The following SGCZ variants were observed in gnomAD, a reference collection of about 807,000 sequenced individuals.
The protein encoded by SGCZ is sarcoglycan zeta.
In SGCZ, 40 loss-of-function variants were observed where a neutral mutation model predicts 41.3. The observed-to-expected ratio is 0.97, with a 90% CI of 0.75 to 1.26. The LOEUF is 1.26. Ranked by LOEUF, SGCZ falls within the 50% of genes most tolerant of loss-of-function variation. The pLI is 0.00. For synonymous variants in SGCZ, 206 were observed against 137.5 expected, an observed-to-expected ratio of 1.50 and a Z score of -3.49; for missense variants, 552 against 369.8, an observed-to-expected ratio of 1.49 and a Z score of -4.04.
At chr8:14,278,936 G>A (rs1426996) in intron 3 of SGCZ, among the ~76,000 whole-genome samples, 32,510 of 151,996 alleles carry the variant, frequency 0.21, 3,680 homozygotes, top group East Asian at 0.3. Context: ...TTTTATAAAT[G>A]CCTACAAGGC....
intron 2 of SGCZ, among the ~76,000 whole-genome samples, chr8:14,440,049 T>C (rs1222808552): frequency 6.6e-6 from 1 of 152,056 alleles, no homozygotes; most frequent in Non-Finnish European, 1.5e-5. Context: ...TTTAGCCTTG[T>C]TGCATTTTGC....
intron 1 of SGCZ, among the ~76,000 whole-genome samples, chr8:14,665,610 T>A (rs1807885799): frequency 6.6e-6 from 1 of 152,218 alleles, no homozygotes. Context: ...AGACATTAGA[T>A]ATTTGCATTA....
intron 2 of SGCZ, among the ~76,000 whole-genome samples, chr8:14,421,749 T>G (rs1799642966): frequency 6.6e-6 from 1 of 152,170 alleles, no homozygotes; most frequent in Non-Finnish European, 1.5e-5. Flanking sequence ...GTCTATCTTG[T>G]GTAATTAATC....
Position 14,408,951 on chromosome 8 carries a change from G to C in SGCZ, c.235-84747C>G, listed in dbSNP as rs1283150793. ...AAGCTAACACATTTTTAAATTAAGA[G>C]AGTGTGTGTGTGTGTGTGTGCATGT... On this transcript the variant is annotated intron_variant, in intron 2 of 7. Coordinates refer to ENST00000382080, the MANE Select transcript of SGCZ (RefSeq NM_139167.4). 5.6e-5 allele frequency among the ~76,000 whole-genome samples: 6 copies of C among 106,294 alleles called. No individual in the cohort carries two copies. The East Asian group carries it at 1.4e-3, about 25-fold the overall frequency. The allele number at this position is 106,294 out of a possible 152,430, so 69.7% of individuals were successfully genotyped here.
chr8:14,833,233 T>G (rs1468398418), intron 1 of SGCZ, among the ~76,000 whole-genome samples: 1 of 152,066 alleles, frequency 6.6e-6, no homozygotes, highest in African/African-American at 2.4e-5. Context: ...TAAACACAAA[T>G]GACACAGAGT....
At chr8:14,425,094 T>C (rs1799741680) in intron 2 of SGCZ, among the ~76,000 whole-genome samples, 1 of 152,184 alleles carries the variant, frequency 6.6e-6, no homozygotes. Flanking sequence ...TTTTTTCTAA[T>C]TGATTTGTAA....
intron 4 of SGCZ, among the ~76,000 whole-genome samples, chr8:14,217,464 G>T (rs1806039868): frequency 1.3e-5 from 2 of 151,700 alleles, no homozygotes; most frequent in South Asian, 4.2e-4. Flanking sequence ...TGTAAGACGT[G>T]GGGTGAAAGG....
At chr8:14,495,827 T>G (rs1034254154) in intron 2 of SGCZ, among the ~76,000 whole-genome samples, 3 of 152,110 alleles carry the variant, frequency 2.0e-5, no homozygotes, top group Non-Finnish European at 4.4e-5. Context: ...GCTATGGGCC[T>G]AAAGTTTCAG....
At chr8:14,946,417 T>C (rs981081921) in intron 1 of SGCZ, among the ~76,000 whole-genome samples, 1 of 152,042 alleles carries the variant, frequency 6.6e-6, no homozygotes, top group Non-Finnish European at 1.5e-5. Context: ...AACTGCCCTG[T>C]AGCCAATAGC....
At chr8:15,137,670 G>A (rs1444712748) in intron 1 of SGCZ, among the ~76,000 whole-genome samples, 1 of 152,078 alleles carries the variant, frequency 6.6e-6, no homozygotes, top group African/African-American at 2.4e-5. Context: ...CACCTTTCAT[G>A]TGGTGTTGAG....
At chr8:15,138,029 AG>A (rs1808179635) in intron 1 of SGCZ, among the ~76,000 whole-genome samples, 1 of 152,186 alleles carries the variant, frequency 6.6e-6, no homozygotes. Flanking sequence ...ACAAAGCCAC[AG>A]GGGCAGAGCT....
intron 1 of SGCZ, among the ~76,000 whole-genome samples, chr8:15,054,708 A>G (rs1804640917): frequency 6.6e-6 from 1 of 152,010 alleles, no homozygotes; most frequent in African/African-American, 2.4e-5. Flanking sequence ...CAATCCCAGC[A>G]CTTTAGGAGG....
rs548338742 is a variant in SGCZ at position 15,010,652 on chromosome 8, C to T, written c.39+226933G>A. ...TTCTTTTAACAGCCTGATGATGGTTCGTGTACTGTCAGTACAGGAAGCCAG... is the reference window on the plus strand; with the variant it reads ...TTCTTTTAACAGCCTGATGATGGTTTGTGTACTGTCAGTACAGGAAGCCAG... On this transcript the variant is annotated intron_variant, in intron 1 of 7. Transcript: ENST00000382080. Among the ~76,000 whole-genome samples the T allele has an allele frequency of 2.0e-5, 3 of 152,218 alleles. No individual in the cohort carries two copies. In the South Asian group the frequency reaches 6.2e-4, roughly 32 times the overall value.
chr8:15,162,999 CAAAACATTATTT>C (rs1209218113), intron 1 of SGCZ, among the ~76,000 whole-genome samples: 1 of 152,180 alleles, frequency 6.6e-6, no homozygotes, highest in Non-Finnish European at 1.5e-5. Context: ...TTAAAACCTT[CAAAACATTATTT>C]TGAAATCATT....
At chr8:14,225,266 G>A (rs10107810) in intron 4 of SGCZ, among the ~76,000 whole-genome samples, 60,872 of 151,696 alleles carry the variant, frequency 0.4, 12,540 homozygotes, top group Non-Finnish European at 0.44. Flanking sequence ...ACCCCCAAAA[G>A]TTATGGGCTA....
intron 1 of SGCZ, among the ~76,000 whole-genome samples, chr8:15,183,236 T>A (rs1800230770): frequency 6.6e-6 from 1 of 152,226 alleles, no homozygotes; most frequent in Admixed American, 6.5e-5. Context: ...AGTAACATAG[T>A]CATTTATTAT....
intron 1 of SGCZ, among the ~76,000 whole-genome samples, chr8:14,978,863 A>G (rs1162322306): frequency 1.3e-5 from 2 of 152,100 alleles, no homozygotes; most frequent in African/African-American, 4.8e-5. Context: ...CAGTGGCACG[A>G]TCTCAGCTCA....
chr8:14,412,726 A>G (rs1799393917), intron 2 of SGCZ, among the ~76,000 whole-genome samples: 1 of 152,026 alleles, frequency 6.6e-6, no homozygotes, highest in South Asian at 2.1e-4. Context: ...TTCAATATGC[A>G]CAATATGCAT....
intron 5 of SGCZ, among the ~76,000 whole-genome samples, chr8:14,115,683 G>C (rs1029426875): frequency 1.3e-5 from 2 of 149,560 alleles, no homozygotes; most frequent in Non-Finnish European, 3.0e-5. Flanking sequence ...ATTTTTTTTT[G>C]TATAACCCTT....
Sources: gnomAD v4.1 joint callset for allele counts (sites outside exome capture counted in the v4.1 genomes callset) on GRCh38, gnomAD v4.1.1 for gene constraint, MANE v1.5 for transcripts, NCBI Gene and HGNC (gene_info 2026-07-23, HGNC 2026-07-21) for gene names.